Variants in IL6R observed in about 807,000 individuals in gnomAD.
IL6R encodes the protein interleukin 6 receptor.
IL6R carries 38 observed loss-of-function variants against 48.3 expected under a neutral mutation model. The observed-to-expected ratio is 0.79, with a 90% CI of 0.61 to 1.03. The LOEUF (loss-of-function observed/expected upper bound fraction) is 1.03. Ranked by LOEUF, IL6R falls within the 50% of genes least tolerant of loss-of-function variation. The pLI, the probability that IL6R is intolerant of heterozygous loss-of-function variation, is 0.00. For missense variants in IL6R, 534 were observed against 618.3 expected (o/e 0.86, Z 1.45); for synonymous variants, 264 against 256.2 (o/e 1.03, Z -0.29).
intron 1 of IL6R, among the ~76,000 whole-genome samples, chr1:154,421,821 G>A (rs7525477): frequency 0.39 from 59,890 of 152,028 alleles, 12,314 homozygotes; most frequent in Non-Finnish European, 0.45. Context: ...GAGTTTTGCC[G>A]TGTTGCCCAG....
chr1:154,411,417 T>C (rs141772965), intron 1 of IL6R, among the ~76,000 whole-genome samples: 2 of 152,126 alleles, frequency 1.3e-5, no homozygotes, highest in East Asian at 3.9e-4. Flanking sequence ...AGTCAGGAAT[T>C]TGGGAATGAG....
chr1:154,445,525 C>T (rs961654345), intron 6 of IL6R, among the ~76,000 whole-genome samples: 28 of 152,134 alleles, frequency 1.8e-4, no homozygotes, highest in Admixed American at 1.0e-3. Context: ...CTGAGGCGGG[C>T]GGATCACCAG....
chr1:154,410,174 A>G (rs1055230385), intron 1 of IL6R, among the ~76,000 whole-genome samples: 3 of 152,090 alleles, frequency 2.0e-5, no homozygotes, highest in African/African-American at 7.2e-5. Context: ...GAAGTGCTAA[A>G]TGCCAGGTCA....
chr1:154,422,142 A>T (rs1688706110), intron 1 of IL6R, among the ~76,000 whole-genome samples: 1 of 151,016 alleles, frequency 6.6e-6, no homozygotes, highest in Non-Finnish European at 1.5e-5. Context: ...GGGTTTCTCC[A>T]TGTTGGTCAG....
intron 1 of IL6R, chr1:154,415,102 T>C: frequency 8.2e-7 from 1 of 1,214,960 alleles, no homozygotes; most frequent in Non-Finnish European, 1.2e-6. Context: ...TTGGGGCTTT[T>C]ACGGTTCCAC....
chr1:154,419,988 G>A (rs2149219134), intron 1 of IL6R, among the ~76,000 whole-genome samples: 1 of 152,204 alleles, frequency 6.6e-6, no homozygotes, highest in South Asian at 2.1e-4. Context: ...GTGTCCCTGG[G>A]AGGGGGAATC....
At chr1:154,464,927 T>A (rs144102695) in intron 9 of IL6R, among the ~76,000 whole-genome samples, 2,162 of 152,150 alleles carry the variant, frequency 0.014, 62 homozygotes, top group African/African-American at 0.05. Flanking sequence ...GCCATAGCAC[T>A]CCAGCCTGGG....
At chr1:154,464,716 T>C (rs920367840) in intron 9 of IL6R, among the ~76,000 whole-genome samples, 4 of 151,988 alleles carry the variant, frequency 2.6e-5, no homozygotes, top group African/African-American at 9.6e-5. Context: ...CCCAGCACTT[T>C]GGGAGGCCGA....
At chr1:154,419,377 G>T (rs775315410) in intron 1 of IL6R, among the ~76,000 whole-genome samples, 2 of 152,176 alleles carry the variant, frequency 1.3e-5, no homozygotes, top group African/African-American at 4.8e-5. Flanking sequence ...CCTAGCCCTC[G>T]TGGGACCAAA....
At position 154,419,790 on chromosome 1, in the gene IL6R, C is replaced by T. The variant is rs112403422; in HGVS notation, c.86-9406C>T. Reference sequence around the variant, plus strand: ...GTTGAGAAATATGTGTCTCCGTGTGCGTGTTTTTCTCTGGTTATTGACATT... The same window carrying T: ...GTTGAGAAATATGTGTCTCCGTGTGTGTGTTTTTCTCTGGTTATTGACATT... On this transcript the variant is annotated intron_variant, in intron 1 of 9. Coordinates refer to ENST00000368485, the MANE Select transcript of IL6R (RefSeq NM_000565.4). Among the ~76,000 whole-genome samples the T allele has an allele frequency of 5.8e-3, 886 of 152,282 alleles. 11 individuals carry two copies. Among genetic ancestry groups the T allele is most frequent in the African/African-American group, 0.02 (846 of 41,538 alleles).
rs114445392 is a variant in IL6R, at chr1:154,465,667, C to T, written c.*287C>T. ...TATCAAGACTCTTTGGACACTCACA[C>T]GGACACTCAAAAGCTGGGCAGGTTG... On this transcript the variant is annotated 3_prime_UTR_variant, in exon 10 of 10. Transcript: ENST00000368485. 5,697 of 409,278 alleles carry T rather than the reference C, an allele frequency of 0.014. 65 individuals carry two copies. Among genetic ancestry groups the T allele is most frequent in the Non-Finnish European group, 0.017 (3,767 of 219,856 alleles). The allele number at this position is 409,278 out of a possible 1,614,324, so 25.4% of individuals were successfully genotyped here.
chr1:154,435,928 T>C, intron 5 of IL6R, 41 bp from the exon 6 acceptor site: 2 of 1,555,774 alleles, frequency 1.3e-6, no homozygotes, highest in Non-Finnish European at 1.7e-6. Context: ...CCCAGCACCA[T>C]CCTGGATACC....
chr1:154,434,943 A>G, intron 4 of IL6R, 47 bp from the exon 5 acceptor site: 1 of 1,599,222 alleles, frequency 6.3e-7, no homozygotes, highest in East Asian at 2.2e-5. Context: ...GGGCTTCTCT[A>G]CACTATATTT....
chr1:154,411,107 G>A (rs1687993015), intron 1 of IL6R, among the ~76,000 whole-genome samples: 1 of 152,150 alleles, frequency 6.6e-6, no homozygotes, highest in South Asian at 2.1e-4. Flanking sequence ...CTCCCAGGCT[G>A]GAGTGCAGTG....
chr1:154,434,846 C>T, intron 4 of IL6R, 144 bp from the exon 5 acceptor site: 2 of 1,185,490 alleles, frequency 1.7e-6, no homozygotes, highest in Non-Finnish European at 2.4e-6. Context: ...GGAGGTGTGG[C>T]AATGATAAAG....
chr1:154,441,292 G>A (rs1398376441), intron 6 of IL6R, among the ~76,000 whole-genome samples: 1 of 152,168 alleles, frequency 6.6e-6, no homozygotes, highest in African/African-American at 2.4e-5. Context: ...TGTGGTGGGG[G>A]CTGTCTGGCC....
At chr1:154,434,477 G>A (rs750921018) in intron 3 of IL6R, 42 bp from the exon 4 acceptor site, 6 of 1,577,538 alleles carry the variant, frequency 3.8e-6, no homozygotes, top group East Asian at 2.2e-5. Flanking sequence ...GAGTCTGTGC[G>A]AAACTGACAG....
At chr1:154,463,327 C>G (rs1305996229) in intron 9 of IL6R, among the ~76,000 whole-genome samples, 4 of 152,224 alleles carry the variant, frequency 2.6e-5, no homozygotes, top group African/African-American at 9.6e-5. Flanking sequence ...CTGCTGGGCT[C>G]TCTTCCTGTG....
intron 7 of IL6R, among the ~76,000 whole-genome samples, chr1:154,448,883 T>C (rs1463354377): frequency 7.7e-6 from 1 of 130,562 alleles, no homozygotes; most frequent in African/African-American, 2.8e-5. Context: ...GGCTTTTTTT[T>C]TTTTTTTTTT....
Sources: gnomAD v4.1 joint callset for allele counts (sites outside exome capture counted in the v4.1 genomes callset) on GRCh38, gnomAD v4.1.1 for gene constraint, MANE v1.5 for transcripts, NCBI Gene and HGNC (gene_info 2026-07-23, HGNC 2026-07-21) for gene names.